Variants in TGS1 observed in about 807,000 individuals in gnomAD.
The protein encoded by TGS1 is trimethylguanosine synthase 1, also known as trimethylguanosine synthase.
A neutral mutation model predicts 92.2 loss-of-function variants in TGS1; 69 were observed. That is an observed-to-expected ratio of 0.75 (90% CI 0.62 to 0.91). The LOEUF (loss-of-function observed/expected upper bound fraction) is 0.91, where lower values mean the gene tolerates loss of function less well. Ranked by LOEUF, TGS1 falls within the 40% of genes least tolerant of loss-of-function variation. The pLI is 0.00. For synonymous variants in TGS1, 345 were observed against 338.1 expected (o/e 1.02, Z -0.22); for missense variants, 1,062 against 1,001.2 (o/e 1.06, Z -0.82).
intron 12 of TGS1, among the ~76,000 whole-genome samples, chr8:55,814,527 G>T (rs1803420271): frequency 6.6e-6 from 1 of 151,338 alleles, no homozygotes; most frequent in Non-Finnish European, 1.5e-5. Context: ...TGTTATACCA[G>T]TTATAAGAAA....
Position 55,786,737 on chromosome 8 carries a change from A to G in TGS1, c.839A>G (p.Asp280Gly), listed in dbSNP as rs748767901. Residue 280 changes from aspartate to glycine, a missense_variant, in exon 4 of 13, where the codon GAT becomes GGT. By Grantham distance (94) the Asp-to-Gly change is moderately conservative (BLOSUM62 -1). Coordinates refer to ENST00000260129, the MANE Select transcript of TGS1 (RefSeq NM_024831.8). ...ACTTACACATCTAAAACAGAAGCTG[A>G]TGACAAGAACGATGAAAAATGCATG... ...TDTYTSKTEA[D>G]DKNDEKCMKV... 2.1e-5 allele frequency: 34 copies of G among 1,614,080 alleles called. No homozygotes were observed. In the Admixed American group the frequency reaches 5.5e-4, roughly 26 times the overall value.
At chr8:55,781,234 A>T (rs1811554222) in intron 1 of TGS1, among the ~76,000 whole-genome samples, 1 of 152,106 alleles carries the variant, frequency 6.6e-6, no homozygotes, top group African/African-American at 2.4e-5. Context: ...ATAAACTTAA[A>T]TGCCATGAGT....
intron 4 of TGS1, 69 bp downstream of exon 4, chr8:55,787,129 A>G (rs905349839): frequency 1.8e-5 from 19 of 1,059,282 alleles, no homozygotes; most frequent in Non-Finnish European, 2.2e-5. Context: ...CAAAATAACT[A>G]CTAATCCTTT....
intron 4 of TGS1, among the ~76,000 whole-genome samples, chr8:55,787,903 G>T (rs1455051652): frequency 6.6e-6 from 1 of 152,186 alleles, no homozygotes; most frequent in Non-Finnish European, 1.5e-5. Flanking sequence ...GCAAGAGAGA[G>T]GGGGGAGGTC....
chr8:55,816,886 A>G (rs1803494062), intron 12 of TGS1, among the ~76,000 whole-genome samples: 1 of 150,570 alleles, frequency 6.6e-6, no homozygotes, highest in South Asian at 2.1e-4. Context: ...TTTGAGACAG[A>G]GTCTTGCTCT....
Position 55,804,910 on chromosome 8 carries a change from A to G in TGS1, c.2017A>G (p.Thr673Ala). The change falls in exon 10 of 13, where the codon ACA becomes GCA. Residue 673 changes from threonine to alanine, a missense_variant. Thr to Ala is a moderately conservative substitution (Grantham distance 58, BLOSUM62 0). Transcript: ENST00000260129. ...KLDREGWFSV[T>A]PEKIAEHIAG... ...CTTTGCAGAGGGCTGGTTTTCAGTT[A>G]CACCCGAGAAGATTGCTGAACACAT... 6.2e-7 allele frequency: 1 copy of G among 1,613,780 alleles called. No homozygotes were observed. The highest frequency in any genetic ancestry group is 8.5e-7 in the Non-Finnish European group (1 of 1,179,804).
rs201975270 is a variant in TGS1, at chr8:55,819,288, A to ATT, written c.2440-5269_2440-5268dup. Among the ~76,000 whole-genome samples, 312 of 74,998 alleles carry ATT rather than the reference A, an allele frequency of 4.2e-3. 4 individuals are homozygous for ATT. The highest frequency in any genetic ancestry group is 0.01 in the African/African-American group (179 of 17,826). The allele number at this position is 74,998 out of a possible 152,430, so 49.2% of individuals were successfully genotyped here. ...TAGGTTAGCTTGTGATGCCTGGGAG[A>ATT]TTTTTTTTTTTTTTTTTTTTTTTTT... On this transcript the variant is annotated intron_variant, in intron 12 of 12. Coordinates refer to ENST00000260129, the MANE Select transcript of TGS1 (RefSeq NM_024831.8).
rs144313313 is a variant in TGS1 at position 55,822,091 on chromosome 8, G to A, written c.2440-2490G>A. 8.5e-4 allele frequency among the ~76,000 whole-genome samples: 126 copies of A among 148,442 alleles called. 2 individuals are homozygous for A. The Middle Eastern group carries it at 0.021, about 24-fold the overall frequency. On this transcript the variant is annotated intron_variant, in intron 12 of 12. Coordinates refer to ENST00000260129, the MANE Select transcript of TGS1 (RefSeq NM_024831.8). The stretch of plus-strand genomic sequence containing the variant: ...TTCTTTCTTTCTTTTTTTTTTTGAG[G>A]CAGAGTCTCACTCTGTCGCCCAGGC...
intron 10 of TGS1, among the ~76,000 whole-genome samples, chr8:55,807,680 A>G (rs894105090): frequency 1.3e-5 from 2 of 152,064 alleles, no homozygotes; most frequent in African/African-American, 2.4e-5. Context: ...GGCACGTGCC[A>G]GTATGCCCTG....
intron 12 of TGS1, among the ~76,000 whole-genome samples, chr8:55,817,680 A>G (rs1200718466): frequency 6.6e-6 from 1 of 152,204 alleles, no homozygotes; most frequent in Admixed American, 6.5e-5. Context: ...ATCTAATGGT[A>G]GCTCTCTCGT....
At chr8:55,780,314 T>C (rs1281722476) in intron 1 of TGS1, among the ~76,000 whole-genome samples, 2 of 151,906 alleles carry the variant, frequency 1.3e-5, no homozygotes, top group Non-Finnish European at 2.9e-5. Flanking sequence ...GAACCATAGG[T>C]GTGCACTACT....
intron 2 of TGS1, among the ~76,000 whole-genome samples, chr8:55,785,179 C>G (rs574045405): frequency 7.9e-5 from 12 of 152,110 alleles, no homozygotes; most frequent in African/African-American, 2.9e-4. Context: ...ATTATCCTGC[C>G]TCAGCCTCCT....
rs1181042427 is a variant in TGS1, at chr8:55,773,567, C to G, written c.-52C>G. On this transcript the variant is annotated 5_prime_UTR_variant, in exon 1 of 13. Transcript: ENST00000260129. ...AGTCTCCAGTAACCGAGCGGAGGCC[C>G]GGCAGGCGCGACCCGGGCTGCGTAC... is the stretch of plus-strand genomic sequence containing the variant. 1.6e-5 allele frequency: 23 copies of G among 1,465,530 alleles called. No homozygotes were observed. The highest frequency in any genetic ancestry group is 2.2e-5 in the Non-Finnish European group (23 of 1,063,254). 90.8% of individuals were successfully genotyped at this position (1,465,530 alleles called of 1,614,324 possible).
At chr8:55,774,577 A>G (rs1245530872) in intron 1 of TGS1, among the ~76,000 whole-genome samples, 3 of 152,212 alleles carry the variant, frequency 2.0e-5, no homozygotes, top group Admixed American at 1.3e-4. Context: ...TTAGTCAGGC[A>G]TGCATGTAGT....
chr8:55,789,576 T>C (rs1332814518), intron 4 of TGS1, among the ~76,000 whole-genome samples: 1 of 152,216 alleles, frequency 6.6e-6, no homozygotes, highest in East Asian at 1.9e-4. Context: ...TGAACATTTT[T>C]AAACCTGTTA....
At chr8:55,787,168 T>C in intron 4 of TGS1, 108 bp downstream of exon 4, 1 of 708,744 alleles carries the variant, frequency 1.4e-6, no homozygotes, top group Non-Finnish European at 2.3e-6. Context: ...ACCAAGTACA[T>C]TTCATATAAT....
At chr8:55,799,328 C>A (rs1812154678) in intron 8 of TGS1, 108 bp downstream of exon 8, 2 of 1,064,778 alleles carry the variant, frequency 1.9e-6, no homozygotes, top group Non-Finnish European at 2.6e-6. Context: ...TAAGGAGTCA[C>A]TGCTACTTAT....
intron 2 of TGS1, among the ~76,000 whole-genome samples, chr8:55,784,957 G>T (rs1456026140): frequency 6.6e-6 from 1 of 152,182 alleles, no homozygotes; most frequent in Non-Finnish European, 1.5e-5. Flanking sequence ...GCAGCTGGAT[G>T]AATAGTGGCA....
intron 12 of TGS1, among the ~76,000 whole-genome samples, chr8:55,814,413 C>T (rs998786816): frequency 2.0e-5 from 3 of 151,968 alleles, no homozygotes; most frequent in African/African-American, 7.3e-5. Context: ...AATTAACAAG[C>T]CTGAGCTCTT....
Sources: allele counts gnomAD v4.1 joint callset (sites outside exome capture counted in the v4.1 genomes callset), GRCh38; gene constraint gnomAD v4.1.1; transcripts MANE v1.5; gene names NCBI Gene and HGNC (gene_info 2026-07-23, HGNC 2026-07-21).